NPAS2: variants seen among roughly 807,000 people sequenced by gnomAD.
NPAS2 encodes the protein neuronal PAS domain-containing protein 2.
In NPAS2, 23 loss-of-function variants were observed where a neutral mutation model predicts 107.5. The ratio of observed to expected loss-of-function variants is 0.21; its 90% CI spans 0.15 to 0.30. The LOEUF is 0.30. Among genes scored for constraint, NPAS2 ranks in the 10% least tolerant of loss-of-function variants. The probability of loss-of-function intolerance (pLI) is 1.00; values close to 1 mark genes in which losing one functional copy is unlikely to be tolerated. For missense variants in NPAS2, 756 were observed against 1,043.3 expected (o/e 0.72, Z 3.79); for synonymous variants, 403 against 417.5 (o/e 0.97, Z 0.42).
At chr2:100,954,888 G>T (rs200943244) in intron 7 of NPAS2, among the ~76,000 whole-genome samples, 43 of 143,170 alleles carry the variant, frequency 3.0e-4, no homozygotes, top group Middle Eastern at 3.5e-3. Flanking sequence ...TTTTTTTTTG[G>T]TTTTTTTGAG....
chr2:100,977,680 G>GT (rs1320951851), intron 14 of NPAS2, 30 bp from the exon 15 acceptor site: 1 of 1,592,370 alleles, frequency 6.3e-7, no homozygotes, highest in South Asian at 1.1e-5. Flanking sequence ...GGCAGAAGCA[G>GT]TGGTAACAAA....
intron 1 of NPAS2, among the ~76,000 whole-genome samples, chr2:100,831,855 G>A (rs1201229803): frequency 1.3e-5 from 2 of 152,036 alleles, no homozygotes; most frequent in African/African-American, 2.4e-5. Flanking sequence ...GATGAAAATA[G>A]ACCCCTATCC....
chr2:100,930,405 C>A (rs1390201275), intron 3 of NPAS2, among the ~76,000 whole-genome samples: 1 of 152,150 alleles, frequency 6.6e-6, no homozygotes, highest in Non-Finnish European at 1.5e-5. Context: ...TTCAGATATA[C>A]CAGGAGCAGT....
intron 1 of NPAS2, among the ~76,000 whole-genome samples, chr2:100,898,968 C>T (rs1412003746): frequency 6.6e-6 from 1 of 152,242 alleles, no homozygotes; most frequent in South Asian, 2.1e-4. Flanking sequence ...ACTTTATTTC[C>T]TGGGTCTTCC....
chr2:100,841,807 T>C (rs1270273853), intron 1 of NPAS2, among the ~76,000 whole-genome samples: 2 of 152,052 alleles, frequency 1.3e-5, no homozygotes, highest in Non-Finnish European at 2.9e-5. Flanking sequence ...CACAAATACA[T>C]GTATATACCC....
intron 1 of NPAS2, among the ~76,000 whole-genome samples, chr2:100,886,231 C>G (rs559563420): frequency 6.6e-6 from 1 of 152,284 alleles, no homozygotes; most frequent in South Asian, 2.1e-4. Context: ...CCAAGCCACT[C>G]GCACATTTAA....
intron 15 of NPAS2, among the ~76,000 whole-genome samples, chr2:100,979,325 G>A (rs1369346190): frequency 1.3e-5 from 2 of 151,524 alleles, no homozygotes; most frequent in African/African-American, 4.9e-5. Context: ...AATCCAAAGG[G>A]GCATAAAATG....
chr2:100,923,415 A>G (rs747165937), intron 2 of NPAS2, among the ~76,000 whole-genome samples: 2 of 152,230 alleles, frequency 1.3e-5, no homozygotes, highest in Non-Finnish European at 2.9e-5. Flanking sequence ...GTTGTGTGCA[A>G]TTAGGCAGGG....
chr2:100,890,880 G>A (rs2104694104), intron 1 of NPAS2, among the ~76,000 whole-genome samples: 1 of 152,212 alleles, frequency 6.6e-6, no homozygotes, highest in East Asian at 2.0e-4. Context: ...GTGGGCAGGA[G>A]ACCCCTGGCT....
Position 100,990,293 on chromosome 2 carries a change from G to C in NPAS2, c.1865G>C (p.Ser622Thr). The change falls in exon 18 of 21, where the codon AGC becomes ACC. Residue 622 changes from serine (S) to threonine (T), a missense_variant. By Grantham distance (58) the Ser-to-Thr change is moderately conservative. Transcript: ENST00000335681. ...KPMRSSQLMQ[S>T]SGRSGSSLVS... ...ATGAGAAGCTCACAGCTAATGCAGA[G>C]CAGCGGCCGCTCTGGAAGCAGCCTA... 6.2e-7 allele frequency: 1 copy of C among 1,614,172 alleles called. No homozygotes were observed. Among genetic ancestry groups the C allele is most frequent in the Non-Finnish European group, 8.5e-7 (1 of 1,180,028 alleles).
intron 7 of NPAS2, among the ~76,000 whole-genome samples, chr2:100,950,850 T>C (rs915238196): frequency 2.6e-5 from 4 of 152,114 alleles, no homozygotes; most frequent in Admixed American, 6.5e-5. Flanking sequence ...CCATGCCTCA[T>C]CCTACTCATC....
At chr2:100,902,386 G>A (rs1163491242) in intron 1 of NPAS2, among the ~76,000 whole-genome samples, 1 of 152,182 alleles carries the variant, frequency 6.6e-6, no homozygotes, top group Non-Finnish European at 1.5e-5. Flanking sequence ...GATATCACTC[G>A]GCCTTAAAAA....
At chr2:100,897,657 A>G (rs2104733968) in intron 1 of NPAS2, among the ~76,000 whole-genome samples, 1 of 152,260 alleles carries the variant, frequency 6.6e-6, no homozygotes, top group Non-Finnish European at 1.5e-5. Context: ...AAGACTCCCT[A>G]AAACATCAGA....
intron 7 of NPAS2, among the ~76,000 whole-genome samples, 158 bp downstream of exon 7, chr2:100,949,638 C>A (rs1675108196): frequency 6.6e-6 from 1 of 152,148 alleles, no homozygotes; most frequent in Admixed American, 6.5e-5. Context: ...TTGTGCTCAT[C>A]GATGTTCTCT....
At position 100,993,536 on chromosome 2, in the gene NPAS2, C is replaced by T. The variant is rs1678265156; in HGVS notation, c.2292+9C>T. 1.3e-6 allele frequency: 2 copies of T among 1,531,358 alleles called. No homozygotes were observed. Among genetic ancestry groups the T allele is most frequent in the African/African-American group, 1.4e-5 (1 of 72,502 alleles). 94.9% of individuals were successfully genotyped at this position (1,531,358 alleles called of 1,614,324 possible). A position where few individuals can be genotyped will look rare whatever the true frequency, so the allele number is the denominator to read the frequency against. On this transcript the variant is annotated intron_variant, in intron 20 of 20. Transcript: ENST00000335681. ...CGCAGCACTACCTGCAGGTGGGTGCCACGGCCCAGGGGGCCCCCGTGCAGG... is the reference window on the plus strand; with the variant it reads ...CGCAGCACTACCTGCAGGTGGGTGCTACGGCCCAGGGGGCCCCCGTGCAGG...
chr2:100,914,599 CTCTTATAA>C (rs1319627318), intron 2 of NPAS2, among the ~76,000 whole-genome samples: 8 of 152,154 alleles, frequency 5.3e-5, no homozygotes, highest in Non-Finnish European at 1.2e-4. Flanking sequence ...CTTCAAGAGT[CTCTTATAA>C]TTACAGTCCA....
At chr2:100,892,623 T>A (rs1339486136) in intron 1 of NPAS2, among the ~76,000 whole-genome samples, 19 of 152,180 alleles carry the variant, frequency 1.2e-4, no homozygotes, top group Non-Finnish European at 1.0e-4. Context: ...TGTGCCAGAA[T>A]GCGATGAGAA....
intron 1 of NPAS2, among the ~76,000 whole-genome samples, chr2:100,863,491 A>G (rs1043629595): frequency 2.6e-5 from 4 of 152,156 alleles, no homozygotes; most frequent in African/African-American, 4.8e-5. Flanking sequence ...TCTGTGCCCC[A>G]TGTTTGGAGG....
chr2:100,990,938 C>T (rs1335667018), intron 19 of NPAS2, 66 bp downstream of exon 19: 5 of 1,373,138 alleles, frequency 3.6e-6, no homozygotes, highest in African/African-American at 2.9e-5. Flanking sequence ...TGGCCAGACT[C>T]ACCCGCCTGG....
Sources: gnomAD v4.1 joint callset for allele counts (sites outside exome capture counted in the v4.1 genomes callset) on GRCh38, gnomAD v4.1.1 for gene constraint, MANE v1.5 for transcripts, NCBI Gene and HGNC (gene_info 2026-07-23, HGNC 2026-07-21) for gene names.